ZNF521: variants seen among roughly 807,000 people sequenced by gnomAD.
ZNF521 encodes zinc finger protein 521, also known as LYST-interacting protein 3.
In ZNF521, 14 loss-of-function variants were observed where a neutral mutation model predicts 105.5. The observed-to-expected ratio is 0.13, with a 90% CI of 0.09 to 0.21. The LOEUF is 0.21. ZNF521 is among the 10% of genes least tolerant of loss of function. The pLI is 1.00. For synonymous variants in ZNF521, 635 were observed against 606.0 expected (o/e 1.05, Z -0.70); for missense variants, 1,233 against 1,629.7 (o/e 0.76, Z 4.19).
intron 5 of ZNF521, among the ~76,000 whole-genome samples, chr18:25,122,295 G>C (rs1028753120): frequency 1.3e-5 from 2 of 152,042 alleles, no homozygotes; most frequent in Non-Finnish European, 2.9e-5. Context: ...ATGAACTGTG[G>C]GACAATTTCA....
At chr18:25,255,592 A>G (rs1490954104) in intron 3 of ZNF521, among the ~76,000 whole-genome samples, 1 of 152,112 alleles carries the variant, frequency 6.6e-6, no homozygotes, top group Non-Finnish European at 1.5e-5. Context: ...ATTGTAACAC[A>G]TTTGCTTCAC....
chr18:25,287,250 A>T (rs1237030200), intron 3 of ZNF521, among the ~76,000 whole-genome samples: 1 of 152,212 alleles, frequency 6.6e-6, no homozygotes, highest in East Asian at 1.9e-4. Context: ...GCAACTGAGG[A>T]GAGAGCAGCA....
intron 6 of ZNF521, among the ~76,000 whole-genome samples, chr18:25,091,216 A>G (rs921559201): frequency 6.6e-6 from 1 of 152,346 alleles, no homozygotes; most frequent in South Asian, 2.1e-4. Context: ...TCCAAAACAC[A>G]TGCAAAATAA....
At chr18:25,065,814 A>G (rs1287524667) in intron 7 of ZNF521, among the ~76,000 whole-genome samples, 1 of 152,208 alleles carries the variant, frequency 6.6e-6, no homozygotes, top group Non-Finnish European at 1.5e-5. Flanking sequence ...TGCCCATAAC[A>G]GTTGGCAATG....
intron 4 of ZNF521, among the ~76,000 whole-genome samples, chr18:25,208,115 A>C (rs1422429750): frequency 6.6e-6 from 1 of 152,198 alleles, no homozygotes; most frequent in African/African-American, 2.4e-5. Flanking sequence ...ATCACTGTTG[A>C]ATAGCCTTAC....
chr18:25,332,290 T>TA (rs1568083306), intron 2 of ZNF521, among the ~76,000 whole-genome samples: 1 of 137,420 alleles, frequency 7.3e-6, no homozygotes, highest in Non-Finnish European at 1.6e-5. Flanking sequence ...AGAGAAATTT[T>TA]AAAAAAAGAA....
intron 5 of ZNF521, among the ~76,000 whole-genome samples, chr18:25,194,721 A>T (rs532688238): frequency 1.3e-5 from 2 of 151,654 alleles, no homozygotes; most frequent in African/African-American, 4.8e-5. Flanking sequence ...TAAATTATTT[A>T]TGTTTCCCTA....
intron 3 of ZNF521, among the ~76,000 whole-genome samples, chr18:25,269,245 G>A (rs540627682): frequency 2.0e-5 from 3 of 152,096 alleles, no homozygotes; most frequent in African/African-American, 4.8e-5. Flanking sequence ...CTAACTATCC[G>A]AAATAAATAT....
chr18:25,134,168 A>G (rs2034690372), intron 5 of ZNF521, among the ~76,000 whole-genome samples: 1 of 152,194 alleles, frequency 6.6e-6, no homozygotes, highest in Non-Finnish European at 1.5e-5. Flanking sequence ...GGAATTTTAA[A>G]GAACAAGGCT....
intron 3 of ZNF521, among the ~76,000 whole-genome samples, chr18:25,313,046 A>G (rs1291024277): frequency 6.6e-6 from 1 of 152,166 alleles, no homozygotes; most frequent in East Asian, 1.9e-4. Context: ...TACAGGGTAC[A>G]TTATCGTGCA....
intron 3 of ZNF521, among the ~76,000 whole-genome samples, chr18:25,260,356 T>C (rs1293554576): frequency 1.3e-5 from 2 of 151,870 alleles, no homozygotes; most frequent in Admixed American, 6.6e-5. Context: ...TTTCTGGAAA[T>C]GTGGTCAGCA....
At chr18:25,171,590 C>G (rs889589709) in intron 5 of ZNF521, among the ~76,000 whole-genome samples, 2 of 152,056 alleles carry the variant, frequency 1.3e-5, no homozygotes, top group South Asian at 2.1e-4. Context: ...GTGATGGTTA[C>G]AGGTTATTGG....
intron 7 of ZNF521, among the ~76,000 whole-genome samples, chr18:25,063,711 A>C (rs138396678): frequency 2.0e-5 from 3 of 152,280 alleles, no homozygotes; most frequent in African/African-American, 7.2e-5. Context: ...TGATGGTCAC[A>C]GATCTGCAGG....
At chr18:25,267,057 G>A (rs1435250876) in intron 3 of ZNF521, among the ~76,000 whole-genome samples, 1 of 152,092 alleles carries the variant, frequency 6.6e-6, no homozygotes, top group Non-Finnish European at 1.5e-5. Flanking sequence ...CACAGCAGTC[G>A]AAGGTTGACC....
chr18:25,235,914 TA>T (rs1214556730), intron 3 of ZNF521, among the ~76,000 whole-genome samples: 5 of 147,522 alleles, frequency 3.4e-5, no homozygotes, highest in South Asian at 2.2e-4. Flanking sequence ...TTACAAAGAT[TA>T]GGGGGGAACT....
At chr18:25,106,986 T>C (rs1457399167) in intron 5 of ZNF521, among the ~76,000 whole-genome samples, 1 of 152,220 alleles carries the variant, frequency 6.6e-6, no homozygotes, top group Non-Finnish European at 1.5e-5. Context: ...ACAGTATTTA[T>C]AGAAATCAGC....
At chr18:25,305,918 C>T (rs1006154142) in intron 3 of ZNF521, among the ~76,000 whole-genome samples, 2 of 152,236 alleles carry the variant, frequency 1.3e-5, no homozygotes, top group Non-Finnish European at 2.9e-5. Context: ...CATGATGATA[C>T]ATCTACCAGC....
intron 5 of ZNF521, among the ~76,000 whole-genome samples, chr18:25,190,224 T>A (rs2035794304): frequency 6.6e-6 from 1 of 152,172 alleles, no homozygotes; most frequent in Non-Finnish European, 1.5e-5. Flanking sequence ...CTTAATTCTC[T>A]GAATTTTGTA....
intron 5 of ZNF521, among the ~76,000 whole-genome samples, chr18:25,124,177 C>G (rs1019110705): frequency 6.6e-6 from 1 of 152,052 alleles, no homozygotes. Flanking sequence ...AATCTCTAGT[C>G]ATCTTTTATT....
Sources: allele counts gnomAD v4.1 joint callset (sites outside exome capture counted in the v4.1 genomes callset), GRCh38; gene constraint gnomAD v4.1.1; transcripts MANE v1.5; gene names NCBI Gene and HGNC (gene_info 2026-07-23, HGNC 2026-07-21).